The following TRPM3 variants were observed in gnomAD, a reference collection of about 807,000 sequenced individuals.
TRPM3 encodes the protein transient receptor potential cation channel subfamily M member 3, also known as long transient receptor potential channel 3.
TRPM3 carries 77 observed loss-of-function variants against 181.2 expected under a neutral mutation model. The ratio of observed to expected loss-of-function variants is 0.42; its 90% CI spans 0.35 to 0.51. The LOEUF (loss-of-function observed/expected upper bound fraction) is 0.51, where lower values mean the gene tolerates loss of function less well. Among genes scored for constraint, TRPM3 ranks in the 20% least tolerant of loss-of-function variants. The pLI is 0.01. For synonymous variants in TRPM3, 745 were observed against 796.4 expected (o/e 0.94, Z 1.09); for missense variants, 1,759 against 2,196.7 (o/e 0.80, Z 3.98).
intron 1 of TRPM3, among the ~76,000 whole-genome samples, chr9:71,445,368 T>C (rs2094189732): frequency 6.6e-6 from 1 of 152,240 alleles, no homozygotes; most frequent in East Asian, 1.9e-4. Flanking sequence ...AATATTCTTT[T>C]GTAAAAAATA....
At chr9:71,424,301 CT>C (rs1244998815) in intron 1 of TRPM3, among the ~76,000 whole-genome samples, 3 of 152,112 alleles carry the variant, frequency 2.0e-5, no homozygotes, top group African/African-American at 7.2e-5. Context: ...TTTTGCGGCA[CT>C]TTTTCTACCA....
chr9:70,842,905 A>C, intron 5 of TRPM3, 98 bp downstream of exon 5: 1 of 1,226,892 alleles, frequency 8.2e-7, no homozygotes, highest in South Asian at 1.6e-5. Flanking sequence ...AGACCCAAAG[A>C]ATACTATAAT....
chr9:70,888,939 T>G (rs181283235), intron 1 of TRPM3, among the ~76,000 whole-genome samples: 1 of 152,324 alleles, frequency 6.6e-6, no homozygotes, highest in East Asian at 1.9e-4. Flanking sequence ...AGGCATGACC[T>G]ACAAGGACAC....
chr9:70,925,706 C>T (rs931131074), intron 1 of TRPM3, among the ~76,000 whole-genome samples: 27 of 152,004 alleles, frequency 1.8e-4, no homozygotes, highest in African/African-American at 6.3e-4. Flanking sequence ...AGCAGTGACT[C>T]ATTTTCCAAA....
intron 1 of TRPM3, among the ~76,000 whole-genome samples, chr9:71,202,061 G>A (rs542280771): frequency 6.6e-6 from 1 of 152,314 alleles, no homozygotes; most frequent in African/African-American, 2.4e-5. Context: ...AGGACCCTCA[G>A]CTGCAGGTCT....
chr9:71,288,479 A>G (rs1429566319), intron 1 of TRPM3, among the ~76,000 whole-genome samples: 2 of 152,174 alleles, frequency 1.3e-5, no homozygotes, highest in Non-Finnish European at 2.9e-5. Flanking sequence ...ATTGAAAAAT[A>G]TATACGTTTT....
At chr9:70,635,462 ATTTTTTT>A (rs71505401) in intron 11 of TRPM3, among the ~76,000 whole-genome samples, 5 of 113,116 alleles carry the variant, frequency 4.4e-5, no homozygotes, top group South Asian at 3.1e-4. Flanking sequence ...TTTGTCAGTG[ATTTTTTT>A]TTTTTTTTTT....
chr9:70,604,236 C>T (rs984216485), intron 19 of TRPM3, among the ~76,000 whole-genome samples: 30 of 152,136 alleles, frequency 2.0e-4, no homozygotes, highest in African/African-American at 7.2e-4. Flanking sequence ...GGGAAGAACT[C>T]CCTAGGGTTT....
At chr9:71,350,339 C>G (rs2091549874) in intron 1 of TRPM3, among the ~76,000 whole-genome samples, 1 of 152,156 alleles carries the variant, frequency 6.6e-6, no homozygotes, top group South Asian at 2.1e-4. Context: ...TCTTCGATGG[C>G]ACTATCCCCA....
intron 1 of TRPM3, among the ~76,000 whole-genome samples, chr9:71,107,784 T>C (rs1364180336): frequency 2.6e-5 from 4 of 152,260 alleles, no homozygotes; most frequent in Non-Finnish European, 5.9e-5. Flanking sequence ...GAAATATTAA[T>C]AATCTTTTAT....
chr9:70,973,211 T>C (rs151186766), intron 1 of TRPM3, among the ~76,000 whole-genome samples: 4 of 152,270 alleles, frequency 2.6e-5, no homozygotes, highest in Non-Finnish European at 5.9e-5. Flanking sequence ...AGGTTGTGGG[T>C]GGTTAATATT....
chr9:71,227,947 A>G (rs745422478), intron 1 of TRPM3, among the ~76,000 whole-genome samples: 7 of 152,180 alleles, frequency 4.6e-5, no homozygotes, highest in Non-Finnish European at 1.0e-4. Flanking sequence ...TATTCCAAAA[A>G]AATAAAAGTG....
chr9:71,227,712 T>C (rs918436826), intron 1 of TRPM3, among the ~76,000 whole-genome samples: 1 of 152,096 alleles, frequency 6.6e-6, no homozygotes, highest in African/African-American at 2.4e-5. Context: ...TGTGCAACCA[T>C]ATGCCAATAA....
At position 70,549,690 on chromosome 9, in the gene TRPM3, AAAAG is replaced by A. The variant is rs781519017; in HGVS notation, c.3575-20_3575-17del. 2.4e-5 allele frequency: 38 copies of A among 1,582,858 alleles called. No homozygotes were observed. The African/African-American group carries it at 4.7e-4, about 19-fold the overall frequency. On this transcript the variant is annotated splice_polypyrimidine_tract_variant and intron_variant, in intron 24 of 25. Transcript: ENST00000677713. ...ATGAAGAGTTCTGTGGAAAAAAAAA[AAAAG>A]GAAGTCTTGAGGGAGAGAAGTAAAA...
intron 1 of TRPM3, among the ~76,000 whole-genome samples, chr9:71,000,192 G>A (rs544281730): frequency 6.6e-6 from 1 of 152,290 alleles, no homozygotes; most frequent in South Asian, 2.1e-4. Flanking sequence ...GTTCAAAGCA[G>A]TGAATTCAAG....
chr9:71,402,806 C>T (rs1329669853), intron 1 of TRPM3, among the ~76,000 whole-genome samples: 3 of 152,070 alleles, frequency 2.0e-5, no homozygotes, highest in Non-Finnish European at 4.4e-5. Flanking sequence ...GATTGGGCCT[C>T]AATTTGAACC....
Position 70,863,225 on chromosome 9 carries a change from C to T in TRPM3, c.258-113G>A, listed in dbSNP as rs139850616. ...CTGTGCCAACACCTGTCAGTCAATT[C>T]TCAGGAAGAATTCCACCATGTGGCT... On this transcript the variant is annotated intron_variant, in intron 2 of 25. Transcript: ENST00000677713. 1.8e-4 allele frequency: 154 copies of T among 833,990 alleles called. 1 individual carries two copies. In the East Asian group the frequency reaches 3.7e-3, roughly 20 times the overall value. 51.7% of individuals were successfully genotyped at this position (833,990 alleles called of 1,614,324 possible).
intron 1 of TRPM3, among the ~76,000 whole-genome samples, chr9:71,420,727 G>GAGAAAGAGAGAGAA (rs753517052): frequency 2.2e-5 from 1 of 45,322 alleles, no homozygotes; most frequent in East Asian, 5.8e-4. Context: ...GAGAAAGAGA[G>GAGAAAGAGAGAGAA]AGAGAGAGAA....
Position 70,615,574 on chromosome 9 carries a change from T to G in TRPM3, c.2526+334A>C, listed in dbSNP as rs79693009. ...TCTCAAATCATGGATTCCCTTTCCT[T>G]CTCTGTGTGCTGAGACAGACACATC... On this transcript the variant is annotated intron_variant, in intron 18 of 25. Coordinates refer to ENST00000677713, the MANE Select transcript of TRPM3 (RefSeq NM_001366145.2). 5.6e-3 allele frequency among the ~76,000 whole-genome samples: 852 copies of G among 152,330 alleles called. 4 individuals are homozygous for G. The highest frequency in any genetic ancestry group is 0.019 in the African/African-American group (792 of 41,576).
Sources: allele counts gnomAD v4.1 joint callset (sites outside exome capture counted in the v4.1 genomes callset), GRCh38; gene constraint gnomAD v4.1.1; transcripts MANE v1.5; gene names NCBI Gene and HGNC (gene_info 2026-07-23, HGNC 2026-07-21).